The following NALCN variants were observed in gnomAD, a reference collection of about 807,000 sequenced individuals.
NALCN encodes sodium leak channel, non-selective.
A neutral mutation model predicts 225.3 loss-of-function variants in NALCN; 111 were observed. The observed-to-expected ratio is 0.49, with a 90% confidence interval of 0.42 to 0.58. The LOEUF (loss-of-function observed/expected upper bound fraction) is 0.58, where lower values mean the gene tolerates loss of function less well. NALCN is among the 20% of genes least tolerant of loss of function. NALCN has a pLI of 0.00. For missense variants in NALCN, 1,378 were observed against 2,202.4 expected, an observed-to-expected ratio of 0.63 and a Z score of 7.49; for synonymous variants, 764 against 769.0, an observed-to-expected ratio of 0.99 and a Z score of 0.11.
chr13:101,104,434 G>C lies in NALCN; in HGVS notation c.2758-8C>G. ...AAACACATACTCAGCAATCTGAAAC[G>C]GGCAAAAGGCAGTTTGGTTACAATG... On this transcript the variant is annotated splice_polypyrimidine_tract_variant and splice_region_variant and intron_variant, in intron 24 of 43. Transcript: ENST00000251127. This position sits in a 1 kb window ranked among gnomAD's most constrained non-coding sequence, Gnocchi z 4.2. The C allele has an allele frequency of 1.9e-6, 3 of 1,612,536 alleles. No individual in the cohort carries two copies. Among genetic ancestry groups the C allele is most frequent in the Non-Finnish European group, 2.5e-6 (3 of 1,179,060 alleles).
rs138782108 is a variant in NALCN, at chr13:101,170,670, A to G, written c.1839+5630T>C. On this transcript the variant is annotated intron_variant, in intron 15 of 43. Coordinates refer to ENST00000251127, the MANE Select transcript of NALCN (RefSeq NM_052867.4). ...AGAAAGGAAAGCTTCTTAATATATAATATCTATCCAACACTATGCAGTGGA... is the reference window on the plus strand; with the variant it reads ...AGAAAGGAAAGCTTCTTAATATATAGTATCTATCCAACACTATGCAGTGGA... Among the ~76,000 whole-genome samples the G allele has an allele frequency of 7.9e-3, 1,207 of 152,330 alleles. 14 individuals carry two copies. The highest frequency in any genetic ancestry group is 0.051 in the South Asian group (247 of 4,828).
intron 9 of NALCN, among the ~76,000 whole-genome samples, chr13:101,285,991 G>A (rs2043324279): frequency 6.6e-6 from 1 of 151,756 alleles, no homozygotes; most frequent in African/African-American, 2.4e-5. Context: ...TTTTTCAATA[G>A]ACCAAAATCA....
intron 28 of NALCN, among the ~76,000 whole-genome samples, chr13:101,091,439 G>A (rs1375651195): frequency 6.6e-6 from 1 of 152,160 alleles, no homozygotes; most frequent in East Asian, 1.9e-4. Flanking sequence ...TTAAATAGAT[G>A]AGGATATAAG....
chr13:101,249,023 G>A (rs1333367153), intron 11 of NALCN, among the ~76,000 whole-genome samples: 2 of 152,116 alleles, frequency 1.3e-5, no homozygotes, highest in Non-Finnish European at 2.9e-5. Context: ...GGGTAATCTT[G>A]TAGAGGACTG....
chr13:101,415,379 T>G (rs2047913911), intron 1 of NALCN, among the ~76,000 whole-genome samples: 1 of 152,052 alleles, frequency 6.6e-6, no homozygotes, highest in African/African-American at 2.4e-5. Context: ...GAACACCAGA[T>G]TAAGAGTAAA....
chr13:101,196,304 C>A (rs2140020901), intron 13 of NALCN, among the ~76,000 whole-genome samples: 1 of 152,282 alleles, frequency 6.6e-6, no homozygotes, highest in South Asian at 2.1e-4. Flanking sequence ...TTACACTTAT[C>A]ATTTAGAATA....
At chr13:101,128,743 T>G (rs200612264) in intron 17 of NALCN, among the ~76,000 whole-genome samples, 1 of 150,468 alleles carries the variant, frequency 6.6e-6, no homozygotes, top group Non-Finnish European at 1.5e-5. Flanking sequence ...TTTTTTTTTT[T>G]AAGAGATGGG....
intron 6 of NALCN, among the ~76,000 whole-genome samples, chr13:101,364,325 C>T (rs1017279978): frequency 6.6e-6 from 1 of 152,090 alleles, no homozygotes; most frequent in Non-Finnish European, 1.5e-5. Flanking sequence ...AACCTAACTG[C>T]CCACCAATGG....
At chr13:101,271,891 A>G (rs759485363) in intron 10 of NALCN, among the ~76,000 whole-genome samples, 8 of 114,230 alleles carry the variant, frequency 7.0e-5, no homozygotes, top group Non-Finnish European at 1.3e-4. Context: ...GCATGTGTGC[A>G]TATGTGTGTG....
At chr13:101,214,590 C>G (rs2140089485) in intron 13 of NALCN, among the ~76,000 whole-genome samples, 1 of 152,116 alleles carries the variant, frequency 6.6e-6, no homozygotes, top group South Asian at 2.1e-4. Flanking sequence ...CAAAAAGCAT[C>G]CTTTTAAAGG....
intron 28 of NALCN, 106 bp from the exon 29 acceptor site, chr13:101,090,072 G>C: frequency 6.7e-7 from 1 of 1,488,696 alleles, no homozygotes; most frequent in Non-Finnish European, 9.2e-7. Flanking sequence ...GTGTGTGTGT[G>C]TGTATATACA....
Position 101,237,909 on chromosome 13 carries a change from A to G in NALCN, c.1280T>C (p.Val427Ala), listed in dbSNP as rs371662809. 185 of 1,605,100 alleles carry G rather than the reference A, an allele frequency of 1.2e-4. No individual in the cohort carries two copies. Among genetic ancestry groups the G allele is most frequent in the Middle Eastern group, 3.3e-4 (2 of 6,000 alleles). ...CAGAAGTGCTTCCAAATCAAAAAGT[A>G]CTGTAAAAGCCACCTAGAGAAACAA... ...EFYLAEVAFT[V>A]LFDLEALLKI... Residue 427 changes from valine (V) to alanine (A), a missense_variant, in exon 12 of 44, where the codon GTA becomes GCA. Physicochemically the swap from Val to Ala is moderately conservative, Grantham distance 64. Around this residue, in one of 19 missense-constraint regions of NALCN, gnomAD observed 144 missense variants for 187.7 expected, o/e 0.77. Transcript: ENST00000251127.
intron 17 of NALCN, among the ~76,000 whole-genome samples, chr13:101,133,462 T>C (rs1436750709): frequency 6.6e-6 from 1 of 152,348 alleles, no homozygotes; most frequent in South Asian, 2.1e-4. Flanking sequence ...ATGTCATTTC[T>C]GCTAGAAAGT....
chr13:101,387,589 C>G (rs2047033466), intron 3 of NALCN, among the ~76,000 whole-genome samples: 1 of 151,974 alleles, frequency 6.6e-6, no homozygotes, highest in Non-Finnish European at 1.5e-5. Flanking sequence ...GGTGAAGGGA[C>G]TAAAGAATTG....
At chr13:101,115,095 C>T (rs1339216829) in intron 18 of NALCN, among the ~76,000 whole-genome samples, 1 of 152,092 alleles carries the variant, frequency 6.6e-6, no homozygotes. Context: ...CTTTTCTGAT[C>T]ACTCCCTGCT....
chr13:101,237,715 A>C, intron 12 of NALCN, 40 bp downstream of exon 12: 2 of 1,400,080 alleles, frequency 1.4e-6, no homozygotes, highest in Non-Finnish European at 1.9e-6. Flanking sequence ...CTCTGGAAAT[A>C]AATAAATTTC....
chr13:101,092,330 G>A (rs973160907), intron 28 of NALCN, among the ~76,000 whole-genome samples: 1 of 152,186 alleles, frequency 6.6e-6, no homozygotes, highest in Non-Finnish European at 1.5e-5. Context: ...GCCCTTGGAT[G>A]TGGAAATGCA....
chr13:101,094,424 T>C (rs1594190683), intron 28 of NALCN, among the ~76,000 whole-genome samples: 1 of 152,206 alleles, frequency 6.6e-6, no homozygotes, highest in Non-Finnish European at 1.5e-5. Context: ...TATTCCTGAC[T>C]ACATTTACTT....
chr13:101,307,070 G>A (rs2044176809), intron 7 of NALCN, among the ~76,000 whole-genome samples: 1 of 152,122 alleles, frequency 6.6e-6, no homozygotes, highest in African/African-American at 2.4e-5. Context: ...ATCTTGTTTG[G>A]GGCCATTATT....
Sources: allele counts gnomAD v4.1 joint callset (sites outside exome capture counted in the v4.1 genomes callset), GRCh38; gene constraint gnomAD v4.1.1; regional missense constraint gnomAD v4.1.1; non-coding constraint Gnocchi (gnomAD v3.1); transcripts MANE v1.5; gene names NCBI Gene and HGNC (gene_info 2026-07-23, HGNC 2026-07-21).